Variants in SGCZ observed in about 807,000 individuals in gnomAD.
The protein encoded by SGCZ is sarcoglycan zeta.
In SGCZ, 40 loss-of-function variants were observed where a neutral mutation model predicts 41.3. The ratio of observed to expected loss-of-function variants is 0.97; its 90% CI spans 0.75 to 1.26. The LOEUF (loss-of-function observed/expected upper bound fraction) is 1.26, where lower values mean the gene tolerates loss of function less well. SGCZ is among the 50% of genes most tolerant of loss of function. The probability of loss-of-function intolerance (pLI) is 0.00; values close to 1 mark genes in which losing one functional copy is unlikely to be tolerated. For missense variants in SGCZ, 552 were observed against 369.8 expected (o/e 1.49, Z -4.04); for synonymous variants, 206 against 137.5 (o/e 1.50, Z -3.49).
intron 6 of SGCZ, among the ~76,000 whole-genome samples, chr8:14,107,525 G>A (rs377618531): frequency 6.6e-6 from 1 of 152,020 alleles, no homozygotes; most frequent in Non-Finnish European, 1.5e-5. Flanking sequence ...AATACTCCGT[G>A]GTCATTTATA....
intron 4 of SGCZ, among the ~76,000 whole-genome samples, chr8:14,165,596 C>A (rs1239378653): frequency 1.3e-5 from 2 of 152,042 alleles, no homozygotes; most frequent in Non-Finnish European, 2.9e-5. Context: ...GCATATGGAT[C>A]TATAGTTCCC....
chr8:14,513,231 T>G (rs1448242932), intron 2 of SGCZ, among the ~76,000 whole-genome samples: 1 of 151,888 alleles, frequency 6.6e-6, no homozygotes, highest in African/African-American at 2.4e-5. Context: ...GAGACAGGGG[T>G]CTCCCTATGT....
chr8:14,228,198 T>G (rs904265003), intron 4 of SGCZ, among the ~76,000 whole-genome samples: 1 of 152,066 alleles, frequency 6.6e-6, no homozygotes, highest in African/African-American at 2.4e-5. Flanking sequence ...AACTGCATGT[T>G]CCATAAGACA....
chr8:14,429,060 A>C (rs17242877), intron 2 of SGCZ, among the ~76,000 whole-genome samples: 3 of 152,126 alleles, frequency 2.0e-5, no homozygotes, highest in Non-Finnish European at 2.9e-5. Flanking sequence ...CACGTTATAC[A>C]AACTTGGCAC....
intron 1 of SGCZ, among the ~76,000 whole-genome samples, chr8:14,692,474 A>T (rs1033091303): frequency 3.3e-5 from 5 of 152,176 alleles, no homozygotes; most frequent in Non-Finnish European, 1.5e-5. Context: ...ATAATACAGT[A>T]ATACCATATA....
chr8:14,379,335 A>G (rs987305382), intron 2 of SGCZ, among the ~76,000 whole-genome samples: 1 of 152,210 alleles, frequency 6.6e-6, no homozygotes, highest in African/African-American at 2.4e-5. Flanking sequence ...TTTCACAAAT[A>G]ATAAGTAGAT....
rs368212574 is a variant in SGCZ at position 15,099,053 on chromosome 8, G to A, written c.39+138532C>T. 1.4e-4 allele frequency among the ~76,000 whole-genome samples: 22 copies of A among 152,252 alleles called. No individual in the cohort carries two copies. The South Asian group carries it at 3.1e-3, about 22-fold the overall frequency. On this transcript the variant is annotated intron_variant, in intron 1 of 7. Coordinates refer to ENST00000382080, the MANE Select transcript of SGCZ (RefSeq NM_139167.4). ...AGCCTGAGTGACAGAGCGAGACTCC[G>A]TCTCAAAAAAACAAACAAACAACAA... is the stretch of plus-strand genomic sequence containing the variant.
intron 1 of SGCZ, among the ~76,000 whole-genome samples, chr8:15,073,628 A>G (rs181285918): frequency 1.3e-5 from 2 of 152,304 alleles, no homozygotes; most frequent in Admixed American, 1.3e-4. Context: ...TTATTCAATC[A>G]GTTGAAGGCT....
chr8:14,572,521 T>A (rs187553222), intron 1 of SGCZ, among the ~76,000 whole-genome samples: 211 of 152,212 alleles, frequency 1.4e-3, no homozygotes, highest in African/African-American at 4.9e-3. Flanking sequence ...ATTATTATTA[T>A]CCCTTTTTTA....
chr8:14,439,323 A>G (rs1430033903), intron 2 of SGCZ, among the ~76,000 whole-genome samples: 2 of 148,266 alleles, frequency 1.3e-5, no homozygotes, highest in African/African-American at 2.5e-5. Context: ...ATATATATAT[A>G]TATATATCTC....
intron 3 of SGCZ, among the ~76,000 whole-genome samples, chr8:14,317,882 C>G (rs774835201): frequency 5.4e-4 from 82 of 151,696 alleles, no homozygotes; most frequent in Middle Eastern, 3.4e-3. Flanking sequence ...AACTTCACAA[C>G]GGATTATTAA....
intron 1 of SGCZ, among the ~76,000 whole-genome samples, chr8:14,913,881 A>G (rs900273950): frequency 6.6e-6 from 1 of 152,126 alleles, no homozygotes; most frequent in Non-Finnish European, 1.5e-5. Flanking sequence ...CTCTCTGGTC[A>G]TTAGAATGAT....
chr8:14,776,737 C>A (rs1420472115), intron 1 of SGCZ, among the ~76,000 whole-genome samples: 1 of 152,006 alleles, frequency 6.6e-6, no homozygotes, highest in Admixed American at 6.6e-5. Context: ...TTGTGACCCG[C>A]CCACCTGGGC....
At chr8:14,168,795 C>A (rs1344505466) in intron 4 of SGCZ, among the ~76,000 whole-genome samples, 2 of 152,102 alleles carry the variant, frequency 1.3e-5, no homozygotes, top group African/African-American at 4.8e-5. Flanking sequence ...TATATGAGAT[C>A]CCTGGAAAAG....
At chr8:14,328,867 G>C (rs934602972) in intron 2 of SGCZ, among the ~76,000 whole-genome samples, 8 of 152,172 alleles carry the variant, frequency 5.3e-5, no homozygotes, top group African/African-American at 1.9e-4. Flanking sequence ...GGTAAATGAA[G>C]CTTCACGCAG....
chr8:14,358,240 G>A (rs757254959), intron 2 of SGCZ, among the ~76,000 whole-genome samples: 12 of 151,976 alleles, frequency 7.9e-5, no homozygotes, highest in East Asian at 3.9e-4. Context: ...ATATATTATC[G>A]CATTTTGTAA....
chr8:14,391,932 A>G (rs911097714), intron 2 of SGCZ, among the ~76,000 whole-genome samples: 1 of 152,006 alleles, frequency 6.6e-6, no homozygotes, highest in Admixed American at 6.6e-5. Flanking sequence ...AAAATTCACT[A>G]TTGCAAGGAC....
At chr8:14,208,818 C>A (rs968569432) in intron 4 of SGCZ, among the ~76,000 whole-genome samples, 37 of 152,124 alleles carry the variant, frequency 2.4e-4, no homozygotes, top group African/African-American at 8.9e-4. Context: ...CTAATCATAG[C>A]ATTATTACTT....
intron 1 of SGCZ, among the ~76,000 whole-genome samples, chr8:14,794,958 A>G (rs1739326100): frequency 6.6e-6 from 1 of 152,214 alleles, no homozygotes; most frequent in African/African-American, 2.4e-5. Flanking sequence ...AGAGTTAAGG[A>G]GCACAATAAC....
Sources: gnomAD v4.1 joint callset for allele counts (sites outside exome capture counted in the v4.1 genomes callset) on GRCh38, gnomAD v4.1.1 for gene constraint, MANE v1.5 for transcripts, NCBI Gene and HGNC (gene_info 2026-07-23, HGNC 2026-07-21) for gene names.